The following KIAA1328 variants were observed in gnomAD, a reference collection of about 807,000 sequenced individuals.
KIAA1328 encodes the protein protein hinderin.
A neutral mutation model predicts 68.1 loss-of-function variants in KIAA1328; 52 were observed. The ratio of observed to expected loss-of-function variants is 0.76; its 90% CI spans 0.61 to 0.96. The LOEUF (loss-of-function observed/expected upper bound fraction) is 0.96. KIAA1328 is among the 40% of genes least tolerant of loss of function. KIAA1328 has a pLI of 0.00. For synonymous variants in KIAA1328, 232 were observed against 239.4 expected (o/e 0.97, Z 0.28); for missense variants, 641 against 677.6 (o/e 0.95, Z 0.60).
chr18:37,058,863 T>TA (rs1266263842), intron 6 of KIAA1328, among the ~76,000 whole-genome samples: 2 of 152,006 alleles, frequency 1.3e-5, no homozygotes, highest in African/African-American at 4.8e-5. Context: ...TAGAGGGTAC[T>TA]AACTGTGTGG....
chr18:36,836,248 G>C (rs1338270635), intron 3 of KIAA1328, among the ~76,000 whole-genome samples: 1 of 152,072 alleles, frequency 6.6e-6, no homozygotes, highest in South Asian at 2.1e-4. Context: ...CTTCACACTG[G>C]GGTGTGAATA....
At chr18:37,120,423 A>G (rs2058239312) in intron 7 of KIAA1328, among the ~76,000 whole-genome samples, 1 of 152,300 alleles carries the variant, frequency 6.6e-6, no homozygotes, top group South Asian at 2.1e-4. Context: ...GAATGGTGAA[A>G]AAAAAATCAA....
intron 6 of KIAA1328, among the ~76,000 whole-genome samples, chr18:37,021,026 G>A (rs1356800375): frequency 6.6e-6 from 1 of 152,138 alleles, no homozygotes; most frequent in African/African-American, 2.4e-5. Context: ...GAAGCTAAAT[G>A]ACCAGACTTG....
intron 7 of KIAA1328, among the ~76,000 whole-genome samples, chr18:37,137,874 CTG>C (rs2058679254): frequency 1.3e-5 from 2 of 152,132 alleles, no homozygotes; most frequent in East Asian, 3.9e-4. Context: ...AGGTCCAAAC[CTG>C]TCCTTATAAC....
intron 4 of KIAA1328, among the ~76,000 whole-genome samples, chr18:36,883,967 T>TATATATATATATATATATATATATATAC (rs1429832565): frequency 2.0e-5 from 3 of 149,304 alleles, no homozygotes; most frequent in African/African-American, 7.4e-5. Flanking sequence ...TATATATATA[T>TATATATATATATATATATATATATATAC]ATACACACAC....
chr18:36,956,544 G>A (rs574880414), intron 5 of KIAA1328, among the ~76,000 whole-genome samples: 2 of 90,400 alleles, frequency 2.2e-5, no homozygotes, highest in South Asian at 6.6e-4. Flanking sequence ...GGAAGGAAGT[G>A]GGGGGGGGGT....
At chr18:36,865,691 C>A (rs919470353) in intron 4 of KIAA1328, among the ~76,000 whole-genome samples, 1 of 152,138 alleles carries the variant, frequency 6.6e-6, no homozygotes, top group Non-Finnish European at 1.5e-5. Context: ...CAGTCCATCA[C>A]CCTCTGATGG....
chr18:37,121,712 A>G (rs974711977), intron 7 of KIAA1328, among the ~76,000 whole-genome samples: 2 of 152,188 alleles, frequency 1.3e-5, no homozygotes, highest in African/African-American at 4.8e-5. Context: ...TAGAAGAGTT[A>G]GTAGGATAAA....
chr18:37,072,308 T>C (rs2056563861), intron 7 of KIAA1328, among the ~76,000 whole-genome samples: 1 of 151,976 alleles, frequency 6.6e-6, no homozygotes, highest in Admixed American at 6.5e-5. Context: ...GCTTTTTTTT[T>C]TTCTATCAGC....
intron 7 of KIAA1328, among the ~76,000 whole-genome samples, chr18:37,078,435 G>T (rs1263883416): frequency 1.1e-3 from 168 of 150,566 alleles, no homozygotes; most frequent in Middle Eastern, 3.4e-3. Context: ...ACTTCATGTC[G>T]AAAACACCAA....
At chr18:36,990,375 T>C (rs1486432330) in intron 6 of KIAA1328, among the ~76,000 whole-genome samples, 1 of 152,086 alleles carries the variant, frequency 6.6e-6, no homozygotes, top group Non-Finnish European at 1.5e-5. Flanking sequence ...AATTTATATA[T>C]ACATTAATGT....
At chr18:36,992,541 G>A (rs935989573) in intron 6 of KIAA1328, among the ~76,000 whole-genome samples, 1 of 144,428 alleles carries the variant, frequency 6.9e-6, no homozygotes, top group East Asian at 2.0e-4. Context: ...AATGTTGCAT[G>A]TTCCTCTTTC....
chr18:37,046,510 T>A (rs1022340536), intron 6 of KIAA1328, among the ~76,000 whole-genome samples: 4 of 152,192 alleles, frequency 2.6e-5, no homozygotes, highest in African/African-American at 9.6e-5. Flanking sequence ...CTTTTACATT[T>A]TAAATTAAAT....
At chr18:36,892,622 G>T (rs190758531) in intron 5 of KIAA1328, among the ~76,000 whole-genome samples, 1 of 151,984 alleles carries the variant, frequency 6.6e-6, no homozygotes, top group Non-Finnish European at 1.5e-5. Context: ...TAATCATCAC[G>T]AATACTACAG....
At chr18:36,860,967 T>A (rs775258415) in intron 4 of KIAA1328, among the ~76,000 whole-genome samples, 1 of 152,196 alleles carries the variant, frequency 6.6e-6, no homozygotes, top group Non-Finnish European at 1.5e-5. Flanking sequence ...TTGTCTAATG[T>A]TAACATCCTG....
chr18:37,066,827 C>A, intron 6 of KIAA1328, 63 bp from the exon 7 acceptor site: 1 of 1,421,614 alleles, frequency 7.0e-7, no homozygotes, highest in African/African-American at 1.4e-5. Context: ...TTCTGAAAAA[C>A]CAAACGAAAG....
intron 7 of KIAA1328, among the ~76,000 whole-genome samples, chr18:37,098,573 A>C (rs2057490664): frequency 6.6e-6 from 1 of 152,214 alleles, no homozygotes; most frequent in South Asian, 2.1e-4. Flanking sequence ...TGGTACCAGG[A>C]TGATCCTGGG....
At chr18:36,850,784 T>G (rs1375233233) in intron 4 of KIAA1328, among the ~76,000 whole-genome samples, 1 of 152,154 alleles carries the variant, frequency 6.6e-6, no homozygotes, top group African/African-American at 2.4e-5. Context: ...CAGGACTGAG[T>G]TGAACTGCAC....
At chr18:36,897,336 G>A (rs1359593644) in intron 5 of KIAA1328, among the ~76,000 whole-genome samples, 2 of 151,966 alleles carry the variant, frequency 1.3e-5, no homozygotes, top group African/African-American at 4.8e-5. Context: ...GGAAAATCCA[G>A]GCATCTAAAG....
Sources: gnomAD v4.1 joint callset for allele counts (sites outside exome capture counted in the v4.1 genomes callset) on GRCh38, gnomAD v4.1.1 for gene constraint, MANE v1.5 for transcripts, NCBI Gene and HGNC (gene_info 2026-07-23, HGNC 2026-07-21) for gene names.